Variants in NOX4 observed in about 807,000 individuals in gnomAD.
NOX4 encodes the protein kidney oxidase-1.
A neutral mutation model predicts 87.6 loss-of-function variants in NOX4; 69 were observed. The ratio of observed to expected loss-of-function variants is 0.79; its 90% CI spans 0.65 to 0.96. The LOEUF is 0.96. Ranked by LOEUF, NOX4 falls within the 40% of genes least tolerant of loss-of-function variation. NOX4 has a pLI of 0.00. For missense variants in NOX4, 680 were observed against 681.5 expected (o/e 1.00, Z 0.02); for synonymous variants, 275 against 238.2 (o/e 1.15, Z -1.42).
At chr11:89,434,645 G>C (rs1258119266) in intron 6 of NOX4, among the ~76,000 whole-genome samples, 3 of 149,498 alleles carry the variant, frequency 2.0e-5, no homozygotes, top group African/African-American at 7.3e-5. Flanking sequence ...TCCATGCAAA[G>C]ACTTGTTTAA....
At chr11:89,572,244 C>T in the NOX4 span, among the ~76,000 whole-genome samples, 408 of 152,350 alleles carry the variant, frequency 2.7e-3, 3 homozygotes, top group African/African-American at 9.4e-3. Context: ...AGACCTGTCT[C>T]AAATACCTTT....
At chr11:89,434,974 G>A (rs1032185729) in intron 6 of NOX4, among the ~76,000 whole-genome samples, 1 of 151,948 alleles carries the variant, frequency 6.6e-6, no homozygotes, top group Non-Finnish European at 1.5e-5. Flanking sequence ...TAGAGGGCAA[G>A]ATGCGTTATA....
At chr11:89,522,920 G>A in the NOX4 span, among the ~76,000 whole-genome samples, 3 of 152,092 alleles carry the variant, frequency 2.0e-5, no homozygotes, top group Admixed American at 6.6e-5. Context: ...GTCTCATTCG[G>A]TGTTTCACCA....
chr11:89,469,462 C>T (rs1945836101), intron 2 of NOX4, among the ~76,000 whole-genome samples: 1 of 152,132 alleles, frequency 6.6e-6, no homozygotes, highest in Admixed American at 6.6e-5. Context: ...TTTATTGACT[C>T]TTCTATCCCA....
chr11:89,451,880 T>C lies in NOX4; in HGVS notation c.169A>G (p.Ser57Gly). The change falls in exon 3 of 18, where the codon AGC becomes GGC. Residue 57 changes from serine to glycine, a missense_variant. By Grantham distance (56) the Ser-to-Gly change is moderately conservative. Coordinates refer to ENST00000263317, the MANE Select transcript of NOX4 (RefSeq NM_016931.5). ...HQMLGLGLCL[S>G]RASASVLNLN... is the part of the protein sequence containing the mutation. ...TTAAGAACAGATGCTGAGGCTCTGC[T>C]TAGACACAATCCTAGCTGAACAAAT... The C allele has an allele frequency of 6.2e-7, 1 of 1,612,180 alleles. No homozygotes were observed. Among genetic ancestry groups the C allele is most frequent in the Non-Finnish European group, 8.5e-7 (1 of 1,178,448 alleles).
intron 2 of NOX4, among the ~76,000 whole-genome samples, chr11:89,477,784 A>T (rs1011714137): frequency 1.3e-5 from 2 of 152,004 alleles, no homozygotes; most frequent in African/African-American, 4.8e-5. Flanking sequence ...CGAAGGTTTT[A>T]TAAAGGCCAA....
intron 13 of NOX4, among the ~76,000 whole-genome samples, chr11:89,348,312 G>A (rs1367754016): frequency 6.6e-6 from 1 of 152,088 alleles, no homozygotes; most frequent in Non-Finnish European, 1.5e-5. Context: ...CTACTTGGGA[G>A]GCTGAGGCAC....
In NOX4 at chr11:89,400,767, A is replaced by G. The variant is rs556754123; in HGVS notation, c.847-388T>C. Among the ~76,000 whole-genome samples, 22 of 151,840 alleles carry G rather than the reference A, an allele frequency of 1.4e-4. 1 individual carries two copies. The South Asian group carries it at 4.6e-3, about 31-fold the overall frequency. ...TGGGGATAATTTTAGAAATAAGGTAACAGTCTAATGTTTATTAAATAAGAA... is the reference window on the plus strand; with the variant it reads ...TGGGGATAATTTTAGAAATAAGGTAGCAGTCTAATGTTTATTAAATAAGAA... On this transcript the variant is annotated intron_variant, in intron 9 of 17. Coordinates refer to ENST00000263317, the MANE Select transcript of NOX4 (RefSeq NM_016931.5).
In NOX4 at chr11:89,400,718, G is replaced by A. The variant is rs317142; in HGVS notation, c.847-339C>T. 5.0e-3 allele frequency among the ~76,000 whole-genome samples: 752 copies of A among 151,534 alleles called. 7 individuals carry two copies. The highest frequency in any genetic ancestry group is 0.017 in the African/African-American group (724 of 41,400). On this transcript the variant is annotated intron_variant, in intron 9 of 17. Transcript: ENST00000263317. ...AATATATTTAATAAAAGAATAAAGG[G>A]GAGTTAACAATCTCCGATAAATCTG... is the stretch of plus-strand genomic sequence containing the variant.
the NOX4 span, among the ~76,000 whole-genome samples, chr11:89,523,804 A>T: frequency 6.6e-6 from 1 of 152,198 alleles, no homozygotes; most frequent in African/African-American, 2.4e-5. Context: ...AAAGGAACTA[A>T]CTACTAGTAC....
At chr11:89,416,927 C>T (rs1942813124) in intron 8 of NOX4, among the ~76,000 whole-genome samples, 1 of 152,234 alleles carries the variant, frequency 6.6e-6, no homozygotes, top group African/African-American at 2.4e-5. Flanking sequence ...CTGAGAAGTG[C>T]AGCAGAGCTA....
At chr11:89,341,837 A>T (rs1341497240) in intron 14 of NOX4, among the ~76,000 whole-genome samples, 1 of 152,190 alleles carries the variant, frequency 6.6e-6, no homozygotes, top group Non-Finnish European at 1.5e-5. Context: ...TTAACAGAGG[A>T]AAAGGACAGA....
At position 89,432,399 on chromosome 11, in the gene NOX4, A is replaced by G. The variant is rs561023471; in HGVS notation, c.548+385T>C. Among the ~76,000 whole-genome samples the G allele has an allele frequency of 1.6e-4, 25 of 152,140 alleles. 1 individual carries two copies. The highest frequency in any genetic ancestry group is 6.0e-4 in the African/African-American group (25 of 41,556). On this transcript the variant is annotated intron_variant, in intron 7 of 17. Coordinates refer to ENST00000263317, the MANE Select transcript of NOX4 (RefSeq NM_016931.5). ...TAAAATCACAATGTTAAATCTTAAA[A>G]ATAATGAAATAATAAAATAAAATAA... is the stretch of plus-strand genomic sequence containing the variant.
intron 11 of NOX4, among the ~76,000 whole-genome samples, chr11:89,395,682 A>G (rs1300631534): frequency 6.6e-6 from 1 of 152,134 alleles, no homozygotes; most frequent in African/African-American, 2.4e-5. Flanking sequence ...ATTTTTGTAT[A>G]AGGTGTAAGG....
At chr11:89,350,968 A>T (rs2134958759) in intron 13 of NOX4, among the ~76,000 whole-genome samples, 1 of 152,326 alleles carries the variant, frequency 6.6e-6, no homozygotes, top group Admixed American at 6.5e-5. Flanking sequence ...TCAATCAAAA[A>T]TTGGACACGA....
chr11:89,355,346 A>T, intron 12 of NOX4, among the ~76,000 whole-genome samples: 1 of 148,282 alleles, frequency 6.7e-6, no homozygotes, highest in Admixed American at 6.8e-5. Flanking sequence ...TTAAATATAT[A>T]AAATTAAGCC....
chr11:89,405,965 TGTATACATTGA>T (rs957219880), intron 8 of NOX4, among the ~76,000 whole-genome samples: 1 of 152,038 alleles, frequency 6.6e-6, no homozygotes, highest in Admixed American at 6.6e-5. Flanking sequence ...TGAAGACCAA[TGTATACATTGA>T]GCAAAATTTG....
At chr11:89,578,200 T>C in the NOX4 span, among the ~76,000 whole-genome samples, 397 of 151,976 alleles carry the variant, frequency 2.6e-3, 3 homozygotes, top group African/African-American at 9.2e-3. Flanking sequence ...TCTCGCTCTG[T>C]TGCCAGGCTG....
At chr11:89,424,632 G>C (rs1943276453) in intron 7 of NOX4, among the ~76,000 whole-genome samples, 1 of 151,384 alleles carries the variant, frequency 6.6e-6, no homozygotes, top group Non-Finnish European at 1.5e-5. Flanking sequence ...TATTTACTCT[G>C]ATTATTTTAA....
Sources: gnomAD v4.1 joint callset for allele counts (sites outside exome capture counted in the v4.1 genomes callset) on GRCh38, gnomAD v4.1.1 for gene constraint, MANE v1.5 for transcripts, NCBI Gene and HGNC (gene_info 2026-07-23, HGNC 2026-07-21) for gene names.